MYD88: variants seen among roughly 807,000 people sequenced by gnomAD.
The protein encoded by MYD88 is MYD88 innate immune signal transduction adaptor, also known as myeloid differentiation primary response protein MyD88.
A neutral mutation model predicts 31.1 loss-of-function variants in MYD88; 15 were observed. The observed-to-expected ratio is 0.48, with a 90% CI of 0.32 to 0.74. The LOEUF is 0.74. MYD88 is among the 30% of genes least tolerant of loss of function. MYD88 has a pLI of 0.03. For synonymous variants in MYD88, 157 were observed against 158.8 expected (o/e 0.99, Z 0.08); for missense variants, 308 against 387.4 (o/e 0.79, Z 1.72).
At chr3:38,140,310 A>AGGCAACCCTG in intron 2 of MYD88, 78 bp from the exon 3 acceptor site, 1 of 1,513,610 alleles carries the variant, frequency 6.6e-7, no homozygotes, top group Non-Finnish European at 9.1e-7. Flanking sequence ...AGGGTTGCCT[A>AGGCAACCCTG]GGCAGGGGAC....
chr3:38,140,249 G>A lies in MYD88; in HGVS notation c.464-139G>A. 1 of 1,089,434 alleles carries A rather than the reference G, an allele frequency of 9.2e-7. No homozygotes were observed. The highest frequency in any genetic ancestry group is 1.3e-5 in the South Asian group (1 of 74,596). 67.5% of individuals were successfully genotyped at this position (1,089,434 alleles called of 1,614,324 possible). Reference sequence around the variant, plus strand: ...CTGAGGTACTCATCTTTCCTCTCCTGGAAAGGGCACTTTCTCTGAGGAGTA... The same window carrying A: ...CTGAGGTACTCATCTTTCCTCTCCTAGAAAGGGCACTTTCTCTGAGGAGTA... On this transcript the variant is annotated intron_variant, in intron 2 of 4. Coordinates refer to ENST00000650905, the MANE Select transcript of MYD88 (RefSeq NM_002468.5).
chr3:38,139,096 T>A lies in MYD88; in HGVS notation c.328+68T>A. On this transcript the variant is annotated intron_variant, in intron 1 of 4. Transcript: ENST00000650905. The surrounding 1 kb of genome is among the most constrained non-coding windows in gnomAD (Gnocchi z 4.7). ...AGGCTGACTTTCCGCGGCCTCAGCATCCTGTCTCCCATGGAGAGACCCCAT... is the reference window on the plus strand; with the variant it reads ...AGGCTGACTTTCCGCGGCCTCAGCAACCTGTCTCCCATGGAGAGACCCCAT... 6.5e-7 allele frequency: 1 copy of A among 1,544,444 alleles called. No homozygotes were observed. The highest frequency in any genetic ancestry group is 8.7e-7 in the Non-Finnish European group (1 of 1,150,642).
Position 38,141,491 on chromosome 3 carries a change from A to G in MYD88, c.*205A>G. The G allele has an allele frequency of 1.4e-6, 1 of 692,890 alleles. No homozygotes were observed. Among genetic ancestry groups the G allele is most frequent in the South Asian group, 1.7e-5 (1 of 60,144 alleles). 42.9% of individuals were successfully genotyped at this position (692,890 alleles called of 1,614,324 possible). A position where few individuals can be genotyped will look rare whatever the true frequency, so the allele number is the denominator to read the frequency against. On this transcript the variant is annotated 3_prime_UTR_variant, in exon 5 of 5. Coordinates refer to ENST00000650905, the MANE Select transcript of MYD88 (RefSeq NM_002468.5). ...ACCAGTGGCTGTGAGTGGCATGTCCACTTGCTGGATTATCAGCCAGGACAC... is the reference window on the plus strand; with the variant it reads ...ACCAGTGGCTGTGAGTGGCATGTCCGCTTGCTGGATTATCAGCCAGGACAC...
chr3:38,138,720 G>T lies in MYD88; in HGVS notation c.20G>T (p.Gly7Val), dbSNP rs2125775205. MAAGGP[G>V]AGSAAPVSST... ...CCCGCCATGGCTGCAGGAGGTCCCG[G>T]CGCGGGGTCTGCGGCCCCGGTCTCC... Residue 7 changes from glycine (G) to valine (V), a missense_variant, in exon 1 of 5, where the codon GGC becomes GTC. Transcript: ENST00000650905. The surrounding 1 kb of genome is among the most constrained non-coding windows in gnomAD (Gnocchi z 6.4). The T allele has an allele frequency of 6.2e-7, 1 of 1,605,560 alleles. No homozygotes were observed. The highest frequency in any genetic ancestry group is 8.5e-7 in the Non-Finnish European group (1 of 1,174,798).
chr3:38,140,081 C>A, intron 2 of MYD88, 83 bp downstream of exon 2: 6 of 1,541,288 alleles, frequency 3.9e-6, no homozygotes, highest in Non-Finnish European at 5.3e-6. Flanking sequence ...AGCAGATGGG[C>A]TGTGAGACCT....
chr3:38,139,484 T>C lies in MYD88; in HGVS notation c.329-380T>C, dbSNP rs1364076150. On this transcript the variant is annotated intron_variant, in intron 1 of 4. Coordinates refer to ENST00000650905, the MANE Select transcript of MYD88 (RefSeq NM_002468.5). The surrounding 1 kb of genome is among the most constrained non-coding windows in gnomAD (Gnocchi z 4.7). The stretch of plus-strand genomic sequence containing the variant: ...CCACAGACAGGCACACCTTGCTGAG[T>C]TGGAATCACTGCACCATAACCAGTG... The C allele has an allele frequency of 9.9e-6, 4 of 404,158 alleles. No individual in the cohort carries two copies. Among genetic ancestry groups the C allele is most frequent in the African/African-American group, 8.1e-5 (4 of 49,248 alleles). The allele number at this position is 404,158 out of a possible 1,614,324, so 25.0% of individuals were successfully genotyped here. A position where few individuals can be genotyped will look rare whatever the true frequency, so the allele number is the denominator to read the frequency against.
Position 38,141,208 on chromosome 3 carries a change from C to T in MYD88, c.813C>T (p.Ile271=). The change falls in exon 5 of 5, where the codon ATC becomes ATT. Residue 271 remains isoleucine (I), a synonymous_variant. Coordinates refer to ENST00000650905, the MANE Select transcript of MYD88 (RefSeq NM_002468.5). The part of the protein sequence containing the change: ...KKEFPSILRF[I]TVCDYTNPCT... Reference sequence around the variant, plus strand: ...AGTTCCCCAGCATCCTGAGGTTCATCACTGTCTGCGACTACACCAACCCCT... The same window carrying T: ...AGTTCCCCAGCATCCTGAGGTTCATTACTGTCTGCGACTACACCAACCCCT... The T allele has an allele frequency of 6.2e-7, 1 of 1,614,236 alleles. No homozygotes were observed. The highest frequency in any genetic ancestry group is 1.1e-5 in the South Asian group (1 of 91,090).
chr3:38,140,949 A>G (rs147291893), intron 4 of MYD88, 101 bp downstream of exon 4: 2 of 1,374,300 alleles, frequency 1.5e-6, no homozygotes, highest in African/African-American at 2.8e-5. Context: ...GCAGTACCAA[A>G]GAACTGCTGA....
Position 38,138,739 on chromosome 3 carries a change from G to C in MYD88, c.39G>C (p.Pro13=), listed in dbSNP as rs1292597861. 1.2e-6 allele frequency: 2 copies of C among 1,609,036 alleles called. No individual in the cohort carries two copies. The highest frequency in any genetic ancestry group is 2.7e-5 in the African/African-American group (2 of 74,878). The part of the protein sequence containing the change: ...AGGPGAGSAA[P]VSSTSSLPLA... Reference sequence around the variant, plus strand: ...GTCCCGGCGCGGGGTCTGCGGCCCCGGTCTCCTCCACATCCTCCCTTCCCC... The same window carrying C: ...GTCCCGGCGCGGGGTCTGCGGCCCCCGTCTCCTCCACATCCTCCCTTCCCC... Residue 13 remains proline (P), a synonymous_variant, in exon 1 of 5, where the codon CCG becomes CCC. Coordinates refer to ENST00000650905, the MANE Select transcript of MYD88 (RefSeq NM_002468.5). The surrounding 1 kb of genome is among the most constrained non-coding windows in gnomAD (Gnocchi z 6.4).
chr3:38,140,774 T>C lies in MYD88; in HGVS notation c.662T>C (p.Val221Ala). 1 of 1,614,178 alleles carries C rather than the reference T, an allele frequency of 6.2e-7. No homozygotes were observed. Residue 221 changes from valine (V) to alanine (A), a missense_variant, in exon 4 of 5, where the codon GTG (valine) becomes GCG (alanine). Transcript: ENST00000650905. Reference sequence around the variant, plus strand: ...TCCCCTAGGTGCCGCCGGATGGTGGTGGTTGTCTCTGATGATTACCTGCAG... The same window carrying C: ...TCCCCTAGGTGCCGCCGGATGGTGGCGGTTGTCTCTGATGATTACCTGCAG... ...LIEKRCRRMV[V>A]VVSDDYLQSK... is the part of the protein sequence containing the mutation.
rs2125782204 is a variant in MYD88, at chr3:38,142,961, A to G, written c.*1675A>G. 1 of 233,230 alleles carries G rather than the reference A, an allele frequency of 4.3e-6. No individual in the cohort carries two copies. The highest frequency in any genetic ancestry group is 8.5e-6 in the Non-Finnish European group (1 of 118,008). 14.4% of individuals were successfully genotyped at this position (233,230 alleles called of 1,614,324 possible). ...AAAGCCGATATTTGCCATTCTTCCT[A>G]TATCCTGGAATATATCTTGCATCCT... is the stretch of plus-strand genomic sequence containing the variant. On this transcript the variant is annotated 3_prime_UTR_variant, in exon 5 of 5. Transcript: ENST00000650905.
In MYD88 at chr3:38,140,428, C is replaced by T. The variant is rs564072486; in HGVS notation, c.504C>T (p.Cys168=). The T allele has an allele frequency of 3.1e-6, 5 of 1,614,208 alleles. No homozygotes were observed. Among genetic ancestry groups the T allele is most frequent in the Admixed American group, 1.7e-5 (1 of 60,026 alleles). Residue 168 remains cysteine (C), a synonymous_variant, in exon 3 of 5, where the codon TGC becomes TGT. Coordinates refer to ENST00000650905, the MANE Select transcript of MYD88 (RefSeq NM_002468.5). ...PERFDAFICY[C]PSDIQFVQEM... ...GTTTCGATGCCTTCATCTGCTATTGCCCCAGCGACATCCAGTTTGTGCAGG... is the reference window on the plus strand; with the variant it reads ...GTTTCGATGCCTTCATCTGCTATTGTCCCAGCGACATCCAGTTTGTGCAGG...
Position 38,142,717 on chromosome 3 carries a change from A to C in MYD88, c.*1431A>C, listed in dbSNP as rs1701109024. 1 of 233,122 alleles carries C rather than the reference A, an allele frequency of 4.3e-6. No homozygotes were observed. The highest frequency in any genetic ancestry group is 2.2e-5 in the African/African-American group (1 of 45,320). The allele number at this position is 233,122 out of a possible 1,614,324, so 14.4% of individuals were successfully genotyped here. ...CAGACCCTAGGACCCTAAATCCAAT[A>C]GAAAATGCATATCTTTGCTCCACTT... is the stretch of plus-strand genomic sequence containing the variant. On this transcript the variant is annotated 3_prime_UTR_variant, in exon 5 of 5. Coordinates refer to ENST00000650905, the MANE Select transcript of MYD88 (RefSeq NM_002468.5).
At chr3:38,140,638 A>G in intron 3 of MYD88, 70 bp downstream of exon 3, 3 of 1,607,068 alleles carry the variant, frequency 1.9e-6, no homozygotes, top group Non-Finnish European at 1.7e-6. Context: ...GATACTGGGC[A>G]TCTCCTCCTA....
At chr3:38,140,597 G>A (rs778509824) in intron 3 of MYD88, 29 bp downstream of exon 3, 21 of 1,613,750 alleles carry the variant, frequency 1.3e-5, no homozygotes, top group Admixed American at 5.0e-5. Flanking sequence ...GGGTGGGTGC[G>A]TGGATGCATG....
rs2125776552 is a variant in MYD88, at chr3:38,139,185, A to G, written c.328+157A>G. On this transcript the variant is annotated intron_variant, in intron 1 of 4. Transcript: ENST00000650905. The surrounding 1 kb of genome is among the most constrained non-coding windows in gnomAD (Gnocchi z 4.7). ...AACCATGCGGGTCCCGTTCCTTCTT[A>G]ATAACCGGTCGCGGTTATTAAGAAG... is the stretch of plus-strand genomic sequence containing the variant. The G allele has an allele frequency of 2.9e-6, 3 of 1,041,800 alleles. No individual in the cohort carries two copies. 64.5% of individuals were successfully genotyped at this position (1,041,800 alleles called of 1,614,324 possible).
chr3:38,139,139 C>G lies in MYD88; in HGVS notation c.328+111C>G, dbSNP rs1449976557. 3 of 1,391,498 alleles carry G rather than the reference C, an allele frequency of 2.2e-6. No homozygotes were observed. In the African/African-American group the frequency reaches 4.3e-5, roughly 20 times the overall value. The allele number at this position is 1,391,498 out of a possible 1,614,324, so 86.2% of individuals were successfully genotyped here. A position where few individuals can be genotyped will look rare whatever the true frequency, so the allele number is the denominator to read the frequency against. Reference sequence around the variant, plus strand: ...GACCCCATTTCCTGCCTCGGGGGCCCGAAGAAGCCTGCAGAGGGAGAACCA... The same window carrying G: ...GACCCCATTTCCTGCCTCGGGGGCCGGAAGAAGCCTGCAGAGGGAGAACCA... On this transcript the variant is annotated intron_variant, in intron 1 of 4. Transcript: ENST00000650905. This position sits in a 1 kb window ranked among gnomAD's most constrained non-coding sequence, Gnocchi z 4.7.
At position 38,139,071 on chromosome 3, in the gene MYD88, A is replaced by T; in HGVS notation, c.328+43A>T. 6.3e-7 allele frequency: 1 copy of T among 1,583,128 alleles called. No homozygotes were observed. The highest frequency in any genetic ancestry group is 8.5e-7 in the Non-Finnish European group (1 of 1,169,720). On this transcript the variant is annotated intron_variant, in intron 1 of 4. Transcript: ENST00000650905. The surrounding 1 kb of genome is among the most constrained non-coding windows in gnomAD (Gnocchi z 4.7). ...CTGGCCTCGTACCTGGGGGGTGAGG[A>T]GGCTGACTTTCCGCGGCCTCAGCAT...
Position 38,141,562 on chromosome 3 carries a change from C to T in MYD88, c.*276C>T, listed in dbSNP as rs373153220. On this transcript the variant is annotated 3_prime_UTR_variant, in exon 5 of 5. Coordinates refer to ENST00000650905, the MANE Select transcript of MYD88 (RefSeq NM_002468.5). ...GACTAAGAAGGACCAGCAGAGCCAGCTCAGCTCTGAGCCATTCACACATCT... is the reference window on the plus strand; with the variant it reads ...GACTAAGAAGGACCAGCAGAGCCAGTTCAGCTCTGAGCCATTCACACATCT... 9.3e-6 allele frequency: 5 copies of T among 539,958 alleles called. No homozygotes were observed. The highest frequency in any genetic ancestry group is 7.9e-5 in the South Asian group (4 of 50,864). 33.4% of individuals were successfully genotyped at this position (539,958 alleles called of 1,614,324 possible).
Sources: allele counts gnomAD v4.1 joint callset, GRCh38; gene constraint gnomAD v4.1.1; non-coding constraint Gnocchi (gnomAD v3.1); transcripts MANE v1.5; gene names NCBI Gene and HGNC (gene_info 2026-07-23, HGNC 2026-07-21).